Variants in CDKAL1 observed in about 807,000 individuals in gnomAD.
The protein encoded by CDKAL1 is CDKAL1 threonylcarbamoyladenosine tRNA methylthiotransferase.
Under a neutral mutation model 68.2 loss-of-function variants are expected in CDKAL1, and 32 were observed. That is an observed-to-expected ratio of 0.47 (90% CI 0.35 to 0.63). The LOEUF (loss-of-function observed/expected upper bound fraction) is 0.63, where lower values mean the gene tolerates loss of function less well. Among genes scored for constraint, CDKAL1 ranks in the 30% least tolerant of loss-of-function variants. The pLI, the probability that CDKAL1 is intolerant of heterozygous loss-of-function variation, is 0.00. For synonymous variants in CDKAL1, 234 were observed against 244.3 expected, an observed-to-expected ratio of 0.96 and a Z score of 0.39; for missense variants, 606 against 696.7, an observed-to-expected ratio of 0.87 and a Z score of 1.47.
chr6:20,535,060 C>G (rs536747510), intron 1 of CDKAL1: 1 of 152,248 alleles, frequency 6.6e-6, no homozygotes, highest in African/African-American at 2.4e-5. Context: ...TGTCTATCTA[C>G]CTTATTGACT....
intron 11 of CDKAL1, among the ~76,000 whole-genome samples, chr6:21,064,399 C>T (rs560769293): frequency 6.6e-6 from 1 of 152,136 alleles, no homozygotes; most frequent in Non-Finnish European, 1.5e-5. Flanking sequence ...GTGGCATTTC[C>T]AGAAAAAGAA....
At chr6:21,069,816 T>G in intron 12 of CDKAL1, among the ~76,000 whole-genome samples, 1 of 108,598 alleles carries the variant, frequency 9.2e-6, no homozygotes, top group African/African-American at 3.4e-5. Context: ...AAACAGAGCC[T>G]TGCTCTGTCA....
chr6:21,015,512 A>G (rs969233393), intron 11 of CDKAL1, among the ~76,000 whole-genome samples: 1 of 152,068 alleles, frequency 6.6e-6, no homozygotes, highest in Admixed American at 6.6e-5. Flanking sequence ...AAAATACATT[A>G]TTCTTTTTGA....
chr6:20,767,291 GT>G (rs1774742744), intron 7 of CDKAL1, among the ~76,000 whole-genome samples: 1 of 152,068 alleles, frequency 6.6e-6, no homozygotes, highest in African/African-American at 2.4e-5. Flanking sequence ...GGTATTTTCT[GT>G]TTTGCTTTGA....
chr6:20,611,027 G>A (rs570890741), intron 4 of CDKAL1, among the ~76,000 whole-genome samples: 1 of 152,210 alleles, frequency 6.6e-6, no homozygotes, highest in African/African-American at 2.4e-5. Context: ...CAGCTTTGAG[G>A]CATTCCTTCC....
chr6:20,661,378 A>T lies in CDKAL1; in HGVS notation c.371+12001A>T, dbSNP rs530318546. ...AGGAGCAAGTTTTCTAGAAACATAG[A>T]TGAAGAGTTTTTTGTAAAGTAGGGG... On this transcript the variant is annotated intron_variant, in intron 5 of 15. Transcript: ENST00000274695. 5.9e-5 allele frequency among the ~76,000 whole-genome samples: 9 copies of T among 152,250 alleles called. No individual in the cohort carries two copies. In the East Asian group the frequency reaches 1.7e-3, roughly 29 times the overall value.
In CDKAL1 at chr6:20,943,875, T is replaced by A. The variant is rs1469941221; in HGVS notation, c.743-11544T>A. Among the ~76,000 whole-genome samples, 3 of 152,090 alleles carry A rather than the reference T, an allele frequency of 2.0e-5. No homozygotes were observed. In the East Asian group the frequency reaches 5.8e-4, roughly 29 times the overall value. On this transcript the variant is annotated intron_variant, in intron 9 of 15. Transcript: ENST00000274695. ...ACTCAGAAGGCTTAAGGCAGGAGGA[T>A]TAAAAGTACGAACCCAGCCTGGGCA...
intron 8 of CDKAL1, among the ~76,000 whole-genome samples, chr6:20,784,412 C>CTTTTCTTTTTTT (rs1775572868): frequency 3.0e-5 from 1 of 33,494 alleles, no homozygotes; most frequent in African/African-American, 1.2e-4. Flanking sequence ...TATTTTATTT[C>CTTTTCTTTTTTT]TTTTTTTTTT....
At chr6:20,933,182 G>T (rs539841174) in intron 9 of CDKAL1, among the ~76,000 whole-genome samples, 36 of 152,190 alleles carry the variant, frequency 2.4e-4, no homozygotes, top group African/African-American at 6.0e-4. Flanking sequence ...TTCAGCCATC[G>T]TAAAGAAAGA....
chr6:21,010,758 A>G (rs1402229053), intron 11 of CDKAL1, among the ~76,000 whole-genome samples: 2 of 152,148 alleles, frequency 1.3e-5, no homozygotes, highest in Non-Finnish European at 2.9e-5. Flanking sequence ...ATAACCAATA[A>G]TTTTTTTAAA....
chr6:20,987,044 C>G (rs563891826), intron 10 of CDKAL1, among the ~76,000 whole-genome samples: 3 of 152,188 alleles, frequency 2.0e-5, no homozygotes, highest in South Asian at 2.1e-4. Context: ...TTCTTTAAGG[C>G]AAACAAAGAT....
At chr6:21,038,831 T>A (rs1020301325) in intron 11 of CDKAL1, among the ~76,000 whole-genome samples, 1 of 152,200 alleles carries the variant, frequency 6.6e-6, no homozygotes, top group African/African-American at 2.4e-5. Flanking sequence ...TGTATAAGGC[T>A]TTTTTCAGTT....
intron 12 of CDKAL1, among the ~76,000 whole-genome samples, chr6:21,081,104 G>A (rs1772372816): frequency 1.3e-5 from 2 of 152,156 alleles, no homozygotes; most frequent in South Asian, 2.1e-4. Context: ...AAAAATGCCT[G>A]TCAAAGAAAT....
At chr6:21,176,468 A>G (rs1010400214) in intron 13 of CDKAL1, among the ~76,000 whole-genome samples, 4 of 152,236 alleles carry the variant, frequency 2.6e-5, no homozygotes, top group African/African-American at 7.2e-5. Context: ...CATCTCTTCA[A>G]TGGTGAAATT....
intron 4 of CDKAL1, among the ~76,000 whole-genome samples, chr6:20,609,367 CCTTCTCCTT>C (rs1263477833): frequency 4.0e-5 from 5 of 126,282 alleles, no homozygotes; most frequent in Non-Finnish European, 8.0e-5. Flanking sequence ...CCCTTCTTCT[CCTTCTCCTT>C]CTTCTTCTTC....
intron 12 of CDKAL1, among the ~76,000 whole-genome samples, chr6:21,080,415 T>C (rs929368789): frequency 1.3e-5 from 2 of 152,224 alleles, no homozygotes; most frequent in Non-Finnish European, 2.9e-5. Flanking sequence ...TGTGGGCTGA[T>C]GCAGTACCTC....
intron 3 of CDKAL1, among the ~76,000 whole-genome samples, chr6:20,547,658 G>A (rs976164631): frequency 3.9e-5 from 6 of 152,024 alleles, no homozygotes; most frequent in African/African-American, 1.4e-4. Context: ...TTTAAAATTT[G>A]CTTATATTTT....
intron 9 of CDKAL1, among the ~76,000 whole-genome samples, chr6:20,882,403 G>A (rs574411439): frequency 2.0e-5 from 3 of 152,036 alleles, no homozygotes; most frequent in South Asian, 2.1e-4. Context: ...TTCCATCTGC[G>A]TTTCCATATG....
At chr6:20,900,789 T>G (rs931417907) in intron 9 of CDKAL1, among the ~76,000 whole-genome samples, 1 of 152,222 alleles carries the variant, frequency 6.6e-6, no homozygotes, top group Non-Finnish European at 1.5e-5. Flanking sequence ...CTAAGTAATG[T>G]GCTGTAGAAG....
Sources: gnomAD v4.1 joint callset for allele counts (sites outside exome capture counted in the v4.1 genomes callset) on GRCh38, gnomAD v4.1.1 for gene constraint, MANE v1.5 for transcripts, NCBI Gene and HGNC (gene_info 2026-07-23, HGNC 2026-07-21) for gene names.